Variants in AR observed in about 807,000 individuals in gnomAD.
AR encodes the protein dihydrotestosterone receptor.
AR carries 8 observed loss-of-function variants against 53.9 expected under a neutral mutation model. That is an observed-to-expected ratio of 0.15 (90% CI 0.09 to 0.27). The LOEUF (loss-of-function observed/expected upper bound fraction) is 0.27. Among genes scored for constraint, AR ranks in the 10% least tolerant of loss-of-function variants. The pLI is 1.00. For synonymous variants in AR, 359 were observed against 316.4 expected, an observed-to-expected ratio of 1.13 and a Z score of -1.43; for missense variants, 639 against 742.5, an observed-to-expected ratio of 0.86 and a Z score of 1.62.
chrX:67,707,871 T>G (rs1053727940), intron 3 of AR, among the ~76,000 whole-genome samples: 3 of 111,817 alleles, frequency 2.7e-5, no homozygotes, highest in African/African-American at 9.8e-5. Flanking sequence ...TTGCTTGTTT[T>G]TAAAGTATTT....
At chrX:67,721,377 T>C (rs1390380877) in intron 5 of AR, among the ~76,000 whole-genome samples, 1 of 112,028 alleles carries the variant, frequency 8.9e-6, no homozygotes, top group African/African-American at 3.2e-5. Context: ...GATGTCCTGA[T>C]GTTAAGAGCT....
intron 2 of AR, among the ~76,000 whole-genome samples, chrX:67,655,838 G>A (rs1224738316): frequency 8.9e-6 from 1 of 112,180 alleles, no homozygotes; most frequent in African/African-American, 3.2e-5. Context: ...ACTGATAACA[G>A]TACTTCCTAG....
intron 1 of AR, among the ~76,000 whole-genome samples, chrX:67,561,899 G>A (rs914794149): frequency 8.4e-4 from 89 of 106,369 alleles, no homozygotes; most frequent in Non-Finnish European, 1.2e-3. Context: ...AAGCAATGAG[G>A]ACAGATTACA....
intron 2 of AR, among the ~76,000 whole-genome samples, chrX:67,685,450 T>A (rs1052900925): frequency 3.6e-5 from 4 of 111,525 alleles, no homozygotes; most frequent in Non-Finnish European, 5.6e-5. Flanking sequence ...TATCTCTGAT[T>A]TTTATAACCT....
chrX:67,714,562 A>G (rs2076105541), intron 4 of AR, among the ~76,000 whole-genome samples: 1 of 111,259 alleles, frequency 9.0e-6, no homozygotes, highest in South Asian at 3.7e-4. Flanking sequence ...CTCCCAGACT[A>G]GACAGGAGAC....
intron 4 of AR, among the ~76,000 whole-genome samples, chrX:67,717,090 C>T (rs2076116306): frequency 9.0e-6 from 1 of 111,643 alleles, no homozygotes; most frequent in Non-Finnish European, 1.9e-5. Context: ...GTTAAATGTA[C>T]CCCATAAATA....
At chrX:67,667,493 T>G (rs1361933439) in intron 2 of AR, among the ~76,000 whole-genome samples, 2 of 111,631 alleles carry the variant, frequency 1.8e-5, no homozygotes, top group African/African-American at 3.3e-5. Context: ...GTAATGTGAT[T>G]CTTCCAGTTT....
chrX:67,629,205 A>C (rs928674475), intron 1 of AR, among the ~76,000 whole-genome samples: 101 of 108,800 alleles, frequency 9.3e-4, no homozygotes, highest in Non-Finnish European at 1.3e-3. Context: ...TAGTTTCAGA[A>C]GGAATGGTAC....
intron 1 of AR, among the ~76,000 whole-genome samples, chrX:67,635,602 G>T (rs1435798979): frequency 9.0e-6 from 1 of 110,613 alleles, no homozygotes; most frequent in Non-Finnish European, 1.9e-5. Flanking sequence ...GAGAGAGAGA[G>T]AAACCTGGTG....
At chrX:67,690,162 T>A (rs1325825666) in intron 3 of AR, among the ~76,000 whole-genome samples, 1 of 112,037 alleles carries the variant, frequency 8.9e-6, no homozygotes, top group Non-Finnish European at 1.9e-5. Context: ...ACCTAGACCA[T>A]GTGAGAACCT....
At chrX:67,602,585 A>G (rs1254857226) in intron 1 of AR, among the ~76,000 whole-genome samples, 1 of 112,129 alleles carries the variant, frequency 8.9e-6, no homozygotes, top group Admixed American at 9.5e-5. Flanking sequence ...TTGAAGATAG[A>G]GGAGGCTGCA....
At chrX:67,677,807 G>GGGGGGGCA (rs2147486658) in intron 2 of AR, among the ~76,000 whole-genome samples, 1 of 111,132 alleles carries the variant, frequency 9.0e-6, no homozygotes, top group African/African-American at 3.3e-5. Flanking sequence ...TCTGTAAAAT[G>GGGGGGGCA]AGATTGTTGG....
intron 1 of AR, among the ~76,000 whole-genome samples, chrX:67,599,737 A>G (rs1923257769): frequency 8.9e-6 from 1 of 112,501 alleles, no homozygotes; most frequent in Non-Finnish European, 1.9e-5. Flanking sequence ...AGATTTCGCA[A>G]TGCTGATTTA....
chrX:67,660,065 G>T (rs1297351410), intron 2 of AR, among the ~76,000 whole-genome samples: 1 of 111,556 alleles, frequency 9.0e-6, no homozygotes, highest in African/African-American at 3.3e-5. Context: ...AGGGTTGTTT[G>T]TTTTTTTCTT....
intron 2 of AR, among the ~76,000 whole-genome samples, chrX:67,658,912 C>T (rs1926722580): frequency 1.8e-5 from 2 of 111,526 alleles, no homozygotes; most frequent in Admixed American, 1.9e-4. Context: ...GATAACCAAA[C>T]CTTTACGAAT....
At chrX:67,552,025 T>C (rs1017201964) in intron 1 of AR, among the ~76,000 whole-genome samples, 2 of 112,266 alleles carry the variant, frequency 1.8e-5, no homozygotes, top group Non-Finnish European at 3.8e-5. Context: ...AATAACAGCT[T>C]TATTGAGACG....
At position 67,557,326 on chromosome X, in the gene AR, G is replaced by A. The variant is rs144871804; in HGVS notation, c.1616+10564G>A. Among the ~76,000 whole-genome samples, 972 of 111,422 alleles carry A rather than the reference G, an allele frequency of 8.7e-3. 7 individuals are homozygous for A. Among genetic ancestry groups the A allele is most frequent in the Middle Eastern group, 0.032 (7 of 217 alleles). On this transcript the variant is annotated intron_variant, in intron 1 of 7. Coordinates refer to ENST00000374690, the MANE Select transcript of AR (RefSeq NM_000044.6). Reference sequence around the variant, plus strand: ...TCACTGTGAAAAAAATAGAGATGAGGATGATTGCCAAGTTTTTGGTCTGAG... The same window carrying A: ...TCACTGTGAAAAAAATAGAGATGAGAATGATTGCCAAGTTTTTGGTCTGAG...
intron 2 of AR, among the ~76,000 whole-genome samples, chrX:67,649,098 C>G (rs1166675348): frequency 2.7e-5 from 3 of 111,390 alleles, no homozygotes; most frequent in Admixed American, 9.6e-5. Context: ...TTGTTCAACT[C>G]CCACTTATGA....
intron 1 of AR, among the ~76,000 whole-genome samples, chrX:67,640,528 T>C (rs1294697158): frequency 9.0e-6 from 1 of 111,552 alleles, no homozygotes; most frequent in Non-Finnish European, 1.9e-5. Context: ...GTATTTGACT[T>C]CCTGCTTTAG....
Sources: gnomAD v4.1 joint callset for allele counts (sites outside exome capture counted in the v4.1 genomes callset) on GRCh38, gnomAD v4.1.1 for gene constraint, MANE v1.5 for transcripts, NCBI Gene and HGNC (gene_info 2026-07-23, HGNC 2026-07-21) for gene names.